The following SRP19 variants were observed in gnomAD, a reference collection of about 807,000 sequenced individuals.
SRP19 encodes signal recognition particle 19 kDa protein.
A neutral mutation model predicts 22.4 loss-of-function variants in SRP19; 11 were observed. The observed-to-expected ratio is 0.49, with a 90% CI of 0.31 to 0.81. The LOEUF is 0.81. SRP19 is among the 40% of genes least tolerant of loss of function. The pLI, the probability that SRP19 is intolerant of heterozygous loss-of-function variation, is 0.05. For missense variants in SRP19, 168 were observed against 175.9 expected (o/e 0.96, Z 0.25); for synonymous variants, 61 against 57.6 (o/e 1.06, Z -0.27).
rs1305472641 is a variant in SRP19, at chr5:112,862,570, TC to T, written c.108del (p.Ile37Ter). On this transcript the variant is annotated frameshift_variant, in exon 2 of 5. Transcript: ENST00000505459. LOFTEE classifies it high-confidence loss of function. The stretch of plus-strand genomic sequence containing the variant: ...AAGACCATCGCAGAGGGAAGGCGAA[TC>T]CCCATAAGTAAGGTAAGCAAGATGG... ...NKKTIAEGRR[I>X]PISKAVENPT... The T allele has an allele frequency of 6.2e-7, 1 of 1,613,606 alleles. No individual in the cohort carries two copies. The highest frequency in any genetic ancestry group is 8.5e-7 in the Non-Finnish European group (1 of 1,179,904).
chr5:112,893,504 T>TTA, downstream of SRP19: 3 of 156,070 alleles, frequency 1.9e-5, no homozygotes, highest in Admixed American at 6.3e-5. Flanking sequence ...ATCTCCATGT[T>TTA]ATGATTTTAA....
At chr5:112,885,553 C>T (rs1768217732) in intron 4 of SRP19, 1 of 245,954 alleles carries the variant, frequency 4.1e-6, no homozygotes, top group Non-Finnish European at 8.7e-6. Flanking sequence ...ACATCAACTA[C>T]CTTCCCAGTA....
downstream of SRP19, among the ~76,000 whole-genome samples, chr5:112,872,049 C>A (rs573362253): frequency 1.3e-5 from 2 of 152,310 alleles, no homozygotes; most frequent in East Asian, 3.9e-4. Flanking sequence ...GCATTAACTT[C>A]CATTTGTAGA....
At chr5:112,890,808 T>A in intron 4 of SRP19, among the ~76,000 whole-genome samples, 1 of 150,936 alleles carries the variant, frequency 6.6e-6, no homozygotes, top group Non-Finnish European at 1.5e-5. Flanking sequence ...TTCTGCCATT[T>A]ACTAGCTAAG....
At chr5:112,892,962 G>C (rs1368698649) in exon 5 of SRP19, 2 of 1,595,132 alleles carry the variant, frequency 1.3e-6, no homozygotes, top group Non-Finnish European at 1.7e-6. Context: ...AGGGCCGCCG[G>C]AGCCAGAGCC....
At chr5:112,881,053 T>A (rs1768058804) in intron 4 of SRP19, among the ~76,000 whole-genome samples, 1 of 134,312 alleles carries the variant, frequency 7.4e-6, no homozygotes, top group African/African-American at 3.0e-5. Context: ...CCCTTGAACC[T>A]GGAAGGTGGA....
Position 112,868,072 on chromosome 5 carries a change from T to C in SRP19, c.*535T>C, listed in dbSNP as rs185581181. The C allele has an allele frequency of 6.8e-4, 666 of 985,434 alleles. 5 individuals carry two copies. The African/African-American group carries it at 0.011, about 16-fold the overall frequency. 61.0% of individuals were successfully genotyped at this position (985,434 alleles called of 1,614,324 possible). ...AGTCTGTAAAAAGCCAGTCTGTAGA[T>C]GATATTTTAATATATTATTGTAATC... On this transcript the variant is annotated 3_prime_UTR_variant, in exon 5 of 5. Coordinates refer to ENST00000505459, the MANE Select transcript of SRP19 (RefSeq NM_003135.3).
At chr5:112,862,351 A>G in intron 1 of SRP19, 157 bp from the exon 2 acceptor site, 1 of 699,814 alleles carries the variant, frequency 1.4e-6, no homozygotes, top group South Asian at 1.6e-5. Flanking sequence ...AGGTACTTTG[A>G]TTTTTCAACT....
At chr5:112,874,202 A>G (rs10067311), downstream of SRP19, among the ~76,000 whole-genome samples, 3,180 of 151,708 alleles carry the variant, frequency 0.021, 102 homozygotes, top group African/African-American at 0.073. Context: ...GAGTGGCAGG[A>G]TATGGTGGCT....
At chr5:112,873,088 C>CTTT (rs34944142), downstream of SRP19, among the ~76,000 whole-genome samples, 31 of 116,656 alleles carry the variant, frequency 2.7e-4, no homozygotes, top group African/African-American at 8.0e-4. Flanking sequence ...TTGTGTGGGT[C>CTTT]TTTTTTTTTT....
chr5:112,893,128 G>C (rs1768551620), downstream of SRP19: 10 of 903,396 alleles, frequency 1.1e-5, no homozygotes, highest in Non-Finnish European at 1.6e-5. Flanking sequence ...GAATGGACCA[G>C]GCCAGGTATA....
downstream of SRP19, among the ~76,000 whole-genome samples, chr5:112,870,771 G>A (rs1767738829): frequency 6.6e-6 from 1 of 152,168 alleles, no homozygotes; most frequent in Non-Finnish European, 1.5e-5. Context: ...GCTCTCCTCA[G>A]CGCACCCTCT....
At chr5:112,885,793 G>C in intron 4 of SRP19, 1 of 236,982 alleles carries the variant, frequency 4.2e-6, no homozygotes, top group Non-Finnish European at 8.8e-6. Flanking sequence ...CTGAGACAGA[G>C]AGCCAAGCTA....
downstream of SRP19, chr5:112,894,416 GC>G (rs1768615315): frequency 6.6e-6 from 1 of 152,080 alleles, no homozygotes; most frequent in Admixed American, 6.6e-5. Flanking sequence ...GCACCCTGCT[GC>G]CTTTTGGTTT....
chr5:112,889,301 T>G (rs1406055714), intron 4 of SRP19, among the ~76,000 whole-genome samples: 1 of 150,912 alleles, frequency 6.6e-6, no homozygotes, highest in Non-Finnish European at 1.5e-5. Context: ...ACTATAGCTG[T>G]ATGCTTAAGA....
In SRP19 at chr5:112,880,209, G is replaced by C. The variant is rs1160699304; in HGVS notation, c.302-11394G>C. Among the ~76,000 whole-genome samples, 4 of 152,216 alleles carry C rather than the reference G, an allele frequency of 2.6e-5. No individual in the cohort carries two copies. In the East Asian group the frequency reaches 7.7e-4, roughly 29 times the overall value. On this transcript the variant is annotated intron_variant, in intron 4 of 4. Transcript: ENST00000391338. ...GAGTATTCCTTGAAGCCAGGAGTTTGAGATCACCCTGGCCAAAACACAGTG... is the reference window on the plus strand; with the variant it reads ...GAGTATTCCTTGAAGCCAGGAGTTTCAGATCACCCTGGCCAAAACACAGTG...
downstream of SRP19, among the ~76,000 whole-genome samples, chr5:112,871,568 C>A (rs754263171): frequency 6.6e-6 from 1 of 151,964 alleles, no homozygotes; most frequent in African/African-American, 2.4e-5. Flanking sequence ...ACCAGCCTGG[C>A]CAACATGGTG....
rs991882209 is a variant in SRP19, at chr5:112,891,193, C to T, written c.302-410C>T. ...GTTCAAGCAGTTCTCCTGCCTCAGC[C>T]TCCCAAGTAGCTGGGATTACAGGCA... On this transcript the variant is annotated intron_variant, in intron 4 of 4. Transcript: ENST00000391338. Among the ~76,000 whole-genome samples, 2 of 152,142 alleles carry T rather than the reference C, an allele frequency of 1.3e-5. 1 individual carries two copies. Among genetic ancestry groups the T allele is most frequent in the African/African-American group, 4.8e-5 (2 of 41,400 alleles).
chr5:112,877,311 TA>T (rs1394724817), intron 4 of SRP19: 1 of 152,190 alleles, frequency 6.6e-6, no homozygotes, highest in Non-Finnish European at 1.5e-5. Context: ...TTATTTGCCT[TA>T]AAAAATACTG....
Sources: gnomAD v4.1 joint callset for allele counts (sites outside exome capture counted in the v4.1 genomes callset) on GRCh38, gnomAD v4.1.1 for gene constraint, MANE v1.5 for transcripts, NCBI Gene and HGNC (gene_info 2026-07-23, HGNC 2026-07-21) for gene names.